DUSP16: variants seen among roughly 807,000 people sequenced by gnomAD.
DUSP16 encodes the protein dual specificity phosphatase 16.
In DUSP16, 21 loss-of-function variants were observed where a neutral mutation model predicts 58.3. The observed-to-expected ratio is 0.36, with a 90% CI of 0.26 to 0.52. DUSP16 has a LOEUF of 0.52. Among genes scored for constraint, DUSP16 ranks in the 20% least tolerant of loss-of-function variants. The pLI is 0.94. For missense variants in DUSP16, 726 were observed against 819.0 expected (o/e 0.89, Z 1.39); for synonymous variants, 320 against 323.8 (o/e 0.99, Z 0.12).
intron 3 of DUSP16, among the ~76,000 whole-genome samples, chr12:12,510,735 T>A (rs963389659): frequency 6.6e-6 from 1 of 152,202 alleles, no homozygotes; most frequent in Non-Finnish European, 1.5e-5. Flanking sequence ...TTATGGTAAG[T>A]GGCCAAAGGC....
At chr12:12,536,794 T>C (rs1352216200) in intron 1 of DUSP16, among the ~76,000 whole-genome samples, 2 of 150,852 alleles carry the variant, frequency 1.3e-5, no homozygotes, top group African/African-American at 4.9e-5. Flanking sequence ...TCCCAACACT[T>C]TGGGAGGCCG....
At chr12:12,540,944 C>CTTTTTTTTT (rs1199026965) in intron 1 of DUSP16, among the ~76,000 whole-genome samples, 87 of 100,646 alleles carry the variant, frequency 8.6e-4, no homozygotes, top group East Asian at 2.2e-3. Flanking sequence ...CTTTTCTTTT[C>CTTTTTTTTT]TTTTCTTTTT....
chr12:12,517,508 A>C (rs547142643), intron 3 of DUSP16, among the ~76,000 whole-genome samples: 1 of 152,302 alleles, frequency 6.6e-6, no homozygotes, highest in South Asian at 2.1e-4. Flanking sequence ...CTTTGCAATA[A>C]AACAGTTTCC....
chr12:12,487,903 C>G (rs1186107302), intron 4 of DUSP16, among the ~76,000 whole-genome samples: 1 of 152,132 alleles, frequency 6.6e-6, no homozygotes, highest in East Asian at 1.9e-4. Context: ...CCCCATGACC[C>G]TCATCCAAAT....
intron 1 of DUSP16, among the ~76,000 whole-genome samples, chr12:12,550,732 G>A (rs1944712513): frequency 6.6e-6 from 1 of 152,008 alleles, no homozygotes; most frequent in Admixed American, 6.6e-5. Context: ...CACACGCTGG[G>A]GTCTGTTGGG....
chr12:12,497,696 G>C (rs1431577083), intron 4 of DUSP16, among the ~76,000 whole-genome samples: 1 of 151,848 alleles, frequency 6.6e-6, no homozygotes, highest in East Asian at 1.9e-4. Flanking sequence ...AATAGGCCAG[G>C]CACGGTGGCT....
chr12:12,513,859 A>G (rs1944111686), intron 3 of DUSP16, among the ~76,000 whole-genome samples: 1 of 152,194 alleles, frequency 6.6e-6, no homozygotes, highest in African/African-American at 2.4e-5. Context: ...TTTCACATAT[A>G]TTTACTTCTA....
At chr12:12,557,307 A>G (rs1376065177) in intron 1 of DUSP16, among the ~76,000 whole-genome samples, 1 of 152,036 alleles carries the variant, frequency 6.6e-6, no homozygotes, top group Non-Finnish European at 1.5e-5. Flanking sequence ...ACAAAAAAAA[A>G]TTAGCTGGGT....
intron 1 of DUSP16, among the ~76,000 whole-genome samples, chr12:12,523,171 A>G (rs1364264859): frequency 1.3e-5 from 2 of 152,244 alleles, no homozygotes; most frequent in African/African-American, 4.8e-5. Context: ...GACAAATCAC[A>G]TAACCTCTCT....
chr12:12,491,990 T>C lies in DUSP16; in HGVS notation c.532-4803A>G, dbSNP rs535424242. Among the ~76,000 whole-genome samples the C allele has an allele frequency of 2.0e-5, 3 of 152,318 alleles. No individual in the cohort carries two copies. The East Asian group carries it at 5.8e-4, about 29-fold the overall frequency. ...CCAATGTAAATTCTATAATCAGTTA[T>C]TACAATCACTCCTTTCCTTTTACCC... On this transcript the variant is annotated intron_variant, in intron 4 of 6. Transcript: ENST00000298573.
intron 1 of DUSP16, among the ~76,000 whole-genome samples, chr12:12,554,970 A>G (rs1310589727): frequency 6.6e-6 from 1 of 152,250 alleles, no homozygotes; most frequent in Non-Finnish European, 1.5e-5. Flanking sequence ...AAACAAGTCA[A>G]GAACTATCTT....
intron 4 of DUSP16, among the ~76,000 whole-genome samples, chr12:12,489,046 C>T (rs970517749): frequency 1.3e-5 from 2 of 152,212 alleles, no homozygotes; most frequent in African/African-American, 2.4e-5. Context: ...CGCCATTGCA[C>T]TCCAGCCTGG....
chr12:12,489,254 TTC>T (rs746041985), intron 4 of DUSP16, among the ~76,000 whole-genome samples: 5 of 152,206 alleles, frequency 3.3e-5, no homozygotes, highest in Admixed American at 3.3e-4. Context: ...GGTCTCATGC[TTC>T]TGTTAGGTTA....
In DUSP16 at chr12:12,562,561, CG is replaced by C. The variant is rs948781453; in HGVS notation, c.-811del. On this transcript the variant is annotated 5_prime_UTR_variant, in exon 1 of 7. Coordinates refer to ENST00000298573, the MANE Select transcript of DUSP16 (RefSeq NM_030640.3). ...TGATACATAGAAAGAGGGGGAAAGG[CG>C]GGGGGGTGGGGTGGGGGGTTGGGGG... Among the ~76,000 whole-genome samples, 8 of 1,276 alleles carry C rather than the reference CG, an allele frequency of 6.3e-3. No homozygotes were observed. The highest frequency in any genetic ancestry group is 0.023 in the African/African-American group (7 of 298). The allele number at this position is 1,276 out of a possible 152,430, so 0.8% of individuals were successfully genotyped here.
At chr12:12,505,194 G>C (rs1189691199) in intron 3 of DUSP16, among the ~76,000 whole-genome samples, 1 of 152,186 alleles carries the variant, frequency 6.6e-6, no homozygotes, top group African/African-American at 2.4e-5. Context: ...GGAAGAGCCA[G>C]GTTATAAGTC....
intron 1 of DUSP16, among the ~76,000 whole-genome samples, chr12:12,527,882 A>C (rs1441121233): frequency 1.3e-5 from 2 of 152,208 alleles, no homozygotes; most frequent in Non-Finnish European, 2.9e-5. Flanking sequence ...TCAGAGGTTC[A>C]GGTTGTTTAC....
At chr12:12,489,565 A>C (rs1358117020) in intron 4 of DUSP16, among the ~76,000 whole-genome samples, 1 of 152,210 alleles carries the variant, frequency 6.6e-6, no homozygotes, top group Non-Finnish European at 1.5e-5. Flanking sequence ...AAAGTAAAGG[A>C]ATTAGTAATA....
intron 5 of DUSP16, among the ~76,000 whole-genome samples, chr12:12,482,693 G>C (rs1565976866): frequency 6.6e-6 from 1 of 152,194 alleles, no homozygotes. Context: ...GTGTTTGAGG[G>C]TGGTGGGAAT....
intron 3 of DUSP16, among the ~76,000 whole-genome samples, chr12:12,518,545 C>G (rs1198643637): frequency 6.6e-6 from 1 of 151,682 alleles, no homozygotes; most frequent in African/African-American, 2.4e-5. Context: ...AACCCTGATC[C>G]CATTAACAGG....
Sources: gnomAD v4.1 joint callset for allele counts (sites outside exome capture counted in the v4.1 genomes callset) on GRCh38, gnomAD v4.1.1 for gene constraint, MANE v1.5 for transcripts, NCBI Gene and HGNC (gene_info 2026-07-23, HGNC 2026-07-21) for gene names.